The following GRID2 variants were observed in gnomAD, a reference collection of about 807,000 sequenced individuals.
GRID2 encodes glutamate ionotropic receptor delta type subunit 2.
In GRID2, 33 loss-of-function variants were observed where a neutral mutation model predicts 114.8. The observed-to-expected ratio is 0.29, with a 90% CI of 0.22 to 0.38. The LOEUF is 0.38. GRID2 is among the 10% of genes least tolerant of loss of function. The pLI is 1.00. For missense variants in GRID2, 1,184 were observed against 1,257.7 expected, an observed-to-expected ratio of 0.94 and a Z score of 0.89; for synonymous variants, 505 against 449.9, an observed-to-expected ratio of 1.12 and a Z score of -1.55.
chr4:93,542,315 C>A (rs775296231), intron 13 of GRID2, among the ~76,000 whole-genome samples: 1 of 152,060 alleles, frequency 6.6e-6, no homozygotes, highest in Non-Finnish European at 1.5e-5. Flanking sequence ...TGATGACTTG[C>A]CAGAACTGAG....
chr4:93,297,245 G>T (rs575723268), intron 8 of GRID2, among the ~76,000 whole-genome samples: 4 of 152,106 alleles, frequency 2.6e-5, no homozygotes, highest in Non-Finnish European at 5.9e-5. Context: ...TACATGTGTA[G>T]GTGCTCAATA....
At chr4:92,883,829 T>G (rs1336947168) in intron 2 of GRID2, among the ~76,000 whole-genome samples, 2 of 152,202 alleles carry the variant, frequency 1.3e-5, no homozygotes, top group East Asian at 3.8e-4. Flanking sequence ...CAGGCTTTGT[T>G]GTTCCATTTA....
intron 11 of GRID2, among the ~76,000 whole-genome samples, chr4:93,474,370 C>T (rs992839114): frequency 6.6e-6 from 1 of 152,056 alleles, no homozygotes; most frequent in Non-Finnish European, 1.5e-5. Flanking sequence ...CCAGGATCAT[C>T]AATTCATTAT....
intron 8 of GRID2, among the ~76,000 whole-genome samples, chr4:93,294,070 T>C (rs1259026994): frequency 1.3e-5 from 2 of 152,050 alleles, no homozygotes; most frequent in African/African-American, 2.4e-5. Flanking sequence ...ATGGATGACA[T>C]TGTTGATGAG....
downstream of GRID2, among the ~76,000 whole-genome samples, chr4:93,778,949 C>G (rs1411513401): frequency 6.6e-6 from 1 of 152,034 alleles, no homozygotes; most frequent in Non-Finnish European, 1.5e-5. Context: ...TTGGGACTCT[C>G]AGATTGTAAT....
intron 2 of GRID2, among the ~76,000 whole-genome samples, chr4:92,993,949 A>G (rs1348762810): frequency 6.6e-6 from 1 of 152,210 alleles, no homozygotes; most frequent in Non-Finnish European, 1.5e-5. Context: ...ACATTACTGA[A>G]TAGAACTGAT....
At chr4:93,038,651 C>T (rs1296196987) in intron 2 of GRID2, among the ~76,000 whole-genome samples, 39 of 151,982 alleles carry the variant, frequency 2.6e-4, no homozygotes, top group Middle Eastern at 3.4e-3. Flanking sequence ...ATTAGCCAGG[C>T]GTGGTGGTGG....
chr4:93,056,910 T>G (rs2149287857), intron 2 of GRID2, among the ~76,000 whole-genome samples: 1 of 152,124 alleles, frequency 6.6e-6, no homozygotes, highest in African/African-American at 2.4e-5. Flanking sequence ...TTTGCCAGAT[T>G]AAACACAAGT....
At chr4:93,239,661 T>A (rs1747255193) in intron 8 of GRID2, among the ~76,000 whole-genome samples, 1 of 151,442 alleles carries the variant, frequency 6.6e-6, no homozygotes, top group Non-Finnish European at 1.5e-5. Context: ...AAACACAAAG[T>A]TTAGTGAATT....
At chr4:93,010,165 A>AT (rs1553965895) in intron 2 of GRID2, among the ~76,000 whole-genome samples, 33 of 151,922 alleles carry the variant, frequency 2.2e-4, no homozygotes, top group African/African-American at 6.0e-4. Context: ...ACTTAAAAAA[A>AT]TTTTTTTTAT....
intron 8 of GRID2, among the ~76,000 whole-genome samples, chr4:93,384,215 A>C (rs933865153): frequency 1.3e-5 from 2 of 152,164 alleles, no homozygotes; most frequent in African/African-American, 2.4e-5. Context: ...CTCGTGAATT[A>C]ATCACCTTCT....
At chr4:92,521,384 A>G (rs1724769779) in intron 1 of GRID2, among the ~76,000 whole-genome samples, 1 of 151,948 alleles carries the variant, frequency 6.6e-6, no homozygotes, top group Admixed American at 6.6e-5. Flanking sequence ...CATATTTCAG[A>G]TTTGCTACAT....
At chr4:93,436,725 A>T (rs1463868959) in intron 10 of GRID2, among the ~76,000 whole-genome samples, 2 of 152,166 alleles carry the variant, frequency 1.3e-5, no homozygotes, top group East Asian at 3.9e-4. Flanking sequence ...TATTTGTAAA[A>T]GTGTAATGGT....
intron 14 of GRID2, among the ~76,000 whole-genome samples, chr4:93,636,775 C>T (rs1345350206): frequency 6.6e-6 from 1 of 152,036 alleles, no homozygotes; most frequent in East Asian, 1.9e-4. Context: ...CTGAGTGAGC[C>T]TTTGGCATGC....
chr4:92,851,951 T>C (rs1743838818), intron 2 of GRID2, among the ~76,000 whole-genome samples: 2 of 152,066 alleles, frequency 1.3e-5, no homozygotes, highest in South Asian at 4.1e-4. Context: ...AGAAATCAAT[T>C]CGTAAATATT....
Position 93,364,384 on chromosome 4 carries a change from G to T in GRID2, c.1246-31223G>T, listed in dbSNP as rs192397622. ...TTTTAATATATAAACTATCATACTTGGGTTAGAAAATTTTTCTTCCATTAT... is the reference window on the plus strand; with the variant it reads ...TTTTAATATATAAACTATCATACTTTGGTTAGAAAATTTTTCTTCCATTAT... On this transcript the variant is annotated intron_variant, in intron 8 of 15. Transcript: ENST00000282020. Among the ~76,000 whole-genome samples the T allele has an allele frequency of 1.9e-3, 286 of 151,912 alleles. 3 individuals carry two copies. Among genetic ancestry groups the T allele is most frequent in the African/African-American group, 6.6e-3 (273 of 41,440 alleles).
intron 2 of GRID2, among the ~76,000 whole-genome samples, chr4:92,670,562 A>G (rs911668129): frequency 1.3e-5 from 2 of 152,086 alleles, no homozygotes; most frequent in Non-Finnish European, 2.9e-5. Flanking sequence ...TTTTATGTAA[A>G]TTATTAATAC....
At position 92,554,335 on chromosome 4, in the gene GRID2, T is replaced by G. The variant is rs563595549; in HGVS notation, c.89-35796T>G. On this transcript the variant is annotated intron_variant, in intron 1 of 15. Transcript: ENST00000282020. ...TTAGAAAATAACAAAGAATCTGTTA[T>G]AAAGTAATAATTATCACATGAAATC... Among the ~76,000 whole-genome samples, 10 of 152,328 alleles carry G rather than the reference T, an allele frequency of 6.6e-5. No homozygotes were observed. In the South Asian group the frequency reaches 1.9e-3, roughly 28 times the overall value.
At chr4:92,393,175 T>C (rs1482739248) in intron 1 of GRID2, among the ~76,000 whole-genome samples, 1 of 152,150 alleles carries the variant, frequency 6.6e-6, no homozygotes, top group Non-Finnish European at 1.5e-5. Flanking sequence ...GAGAACTCAC[T>C]ATTATATAGG....
Sources: allele counts gnomAD v4.1 joint callset (sites outside exome capture counted in the v4.1 genomes callset), GRCh38; gene constraint gnomAD v4.1.1; transcripts MANE v1.5; gene names NCBI Gene and HGNC (gene_info 2026-07-23, HGNC 2026-07-21).